Variants in ZCCHC14 observed in about 807,000 individuals in gnomAD.
The protein encoded by ZCCHC14 is zinc finger CCHC domain-containing protein 14.
In ZCCHC14, 16 loss-of-function variants were observed where a neutral mutation model predicts 85.0. The ratio of observed to expected loss-of-function variants is 0.19; its 90% confidence interval spans 0.13 to 0.29. The LOEUF is 0.29. Ranked by LOEUF, ZCCHC14 falls within the 10% of genes least tolerant of loss-of-function variation. The pLI, the probability that ZCCHC14 is intolerant of heterozygous loss-of-function variation, is 1.00. For missense variants in ZCCHC14, 1,303 were observed against 1,443.5 expected (o/e 0.90, Z 1.58); for synonymous variants, 775 against 630.7 (o/e 1.23, Z -3.43).
At position 87,407,377 on chromosome 16, in the gene ZCCHC14, A is replaced by C. The variant is rs1253879145; in HGVS notation, c.*2903T>G. ...AAGAAAATATTTTGTCTTTATTTTT[A>C]TTACAAGTGCGCTAGCTCCCATTTC... On this transcript the variant is annotated 3_prime_UTR_variant, in exon 13 of 13. Coordinates refer to ENST00000671377, the MANE Select transcript of ZCCHC14 (RefSeq NM_015144.3). 1 of 152,256 alleles carries C rather than the reference A, an allele frequency of 6.6e-6. No individual in the cohort carries two copies. The highest frequency in any genetic ancestry group is 1.5e-5 in the Non-Finnish European group (1 of 68,038). The allele number at this position is 152,256 out of a possible 1,614,324, so 9.4% of individuals were successfully genotyped here. A position where few individuals can be genotyped will look rare whatever the true frequency, so the allele number is the denominator to read the frequency against.
chr16:87,454,065 A>T (rs1251699225), intron 2 of ZCCHC14, among the ~76,000 whole-genome samples: 3 of 152,222 alleles, frequency 2.0e-5, no homozygotes, highest in South Asian at 4.1e-4. Context: ...AAATGACAGA[A>T]GGGTACAAGA....
chr16:87,462,077 G>A (rs1169500840), intron 1 of ZCCHC14, among the ~76,000 whole-genome samples: 1 of 150,600 alleles, frequency 6.6e-6, no homozygotes, highest in African/African-American at 2.4e-5. Flanking sequence ...TTACTGGCCT[G>A]GGTAACAGCG....
At chr16:87,419,965 G>T in intron 5 of ZCCHC14, 88 bp from the exon 6 acceptor site, 1 of 1,147,190 alleles carries the variant, frequency 8.7e-7, no homozygotes, top group Non-Finnish European at 1.2e-6. Flanking sequence ...TTAATCAAGA[G>T]AAATGTGTAT....
chr16:87,456,478 A>T lies in ZCCHC14; in HGVS notation c.694+3530T>A, dbSNP rs1045256883. Among the ~76,000 whole-genome samples, 22 of 128,380 alleles carry T rather than the reference A, an allele frequency of 1.7e-4. 1 individual carries two copies. In the South Asian group the frequency reaches 1.9e-3, roughly 11 times the overall value. The allele number at this position is 128,380 out of a possible 152,430, so 84.2% of individuals were successfully genotyped here. A position where few individuals can be genotyped will look rare whatever the true frequency, so the allele number is the denominator to read the frequency against. ...AACCCGGGAGGCGGAGGTTGCAGTG[A>T]GCTGTGATTGCGCCACTGCACTCCA... On this transcript the variant is annotated intron_variant, in intron 2 of 12. Transcript: ENST00000671377.
At chr16:87,433,852 C>G (rs1005823652) in intron 2 of ZCCHC14, among the ~76,000 whole-genome samples, 3 of 151,916 alleles carry the variant, frequency 2.0e-5, no homozygotes, top group Non-Finnish European at 4.4e-5. Context: ...CCATGTTGGC[C>G]AAGTTGGTCT....
At chr16:87,433,278 A>T in intron 2 of ZCCHC14, 77 bp from the exon 3 acceptor site, 15 of 1,418,522 alleles carry the variant, frequency 1.1e-5, no homozygotes, top group Non-Finnish European at 1.5e-5. Flanking sequence ...TTTGATATTC[A>T]GCAGTTTTCA....
In ZCCHC14 at chr16:87,492,264, C is replaced by A. The variant is rs1449710803; in HGVS notation, c.-26G>T. On this transcript the variant is annotated 5_prime_UTR_variant, in exon 1 of 13. Coordinates refer to ENST00000671377, the MANE Select transcript of ZCCHC14 (RefSeq NM_015144.3). This position sits in a 1 kb window ranked among gnomAD's most constrained non-coding sequence, Gnocchi z 6.7. ...GCTGCCGCCCGCGCCGCGCCGCGAC[C>A]CGGGGCCGGGGACCGCGCGGGGGCG... 1.0e-6 allele frequency: 1 copy of A among 979,612 alleles called. No individual in the cohort carries two copies. The highest frequency in any genetic ancestry group is 1.8e-5 in the African/African-American group (1 of 56,516). The allele number at this position is 979,612 out of a possible 1,614,324, so 60.7% of individuals were successfully genotyped here.
intron 4 of ZCCHC14, among the ~76,000 whole-genome samples, chr16:87,422,587 A>C (rs1405006681): frequency 6.6e-6 from 1 of 150,938 alleles, no homozygotes; most frequent in Non-Finnish European, 1.5e-5. Context: ...AAAAAGAGAG[A>C]GAGCTGGGCG....
chr16:87,424,548 C>G (rs1182245303), intron 3 of ZCCHC14, among the ~76,000 whole-genome samples: 1 of 152,158 alleles, frequency 6.6e-6, no homozygotes, highest in Non-Finnish European at 1.5e-5. Context: ...GGCGGTGTCA[C>G]TGCATGGCTC....
rs117589579 is a variant in ZCCHC14, at chr16:87,418,512, C to T, written c.1100+335G>A. ...CATACGACTGCAGCTACCCAGGGCCCGTGCGGACAGAGGACGCTCCTCAGG... is the reference window on the plus strand; with the variant it reads ...CATACGACTGCAGCTACCCAGGGCCTGTGCGGACAGAGGACGCTCCTCAGG... On this transcript the variant is annotated intron_variant, in intron 7 of 12. Coordinates refer to ENST00000671377, the MANE Select transcript of ZCCHC14 (RefSeq NM_015144.3). 1.5e-3 allele frequency among the ~76,000 whole-genome samples: 228 copies of T among 152,318 alleles called. 6 individuals carry two copies. In the East Asian group the frequency reaches 0.038, roughly 26 times the overall value.
chr16:87,459,948 C>G (rs1458566844), intron 2 of ZCCHC14, 60 bp downstream of exon 2: 8 of 1,611,298 alleles, frequency 5.0e-6, no homozygotes, highest in Admixed American at 3.3e-5. Context: ...TCACGGGGAT[C>G]TGGGGTGTGC....
intron 3 of ZCCHC14, among the ~76,000 whole-genome samples, 186 bp from the exon 4 acceptor site, chr16:87,424,067 GCCCTCTAAAGT>G (rs1475865754): frequency 1.3e-5 from 2 of 152,174 alleles, no homozygotes; most frequent in African/African-American, 4.8e-5. Flanking sequence ...ATAGCTCCAG[GCCCTCTAAAGT>G]CTAACTTGTT....
chr16:87,413,349 G>A (rs181028486), intron 10 of ZCCHC14, among the ~76,000 whole-genome samples, 154 bp from the exon 11 acceptor site: 9 of 152,350 alleles, frequency 5.9e-5, no homozygotes, highest in South Asian at 4.1e-4. Flanking sequence ...CAGGCCGCAC[G>A]GTGACGGATG....
Position 87,431,739 on chromosome 16 carries a change from G to A in ZCCHC14, c.768+1389C>T, listed in dbSNP as rs368514683. Among the ~76,000 whole-genome samples, 71 of 152,290 alleles carry A rather than the reference G, an allele frequency of 4.7e-4. 1 individual carries two copies. The highest frequency in any genetic ancestry group is 1.6e-3 in the African/African-American group (67 of 41,566). On this transcript the variant is annotated intron_variant, in intron 3 of 12. Coordinates refer to ENST00000671377, the MANE Select transcript of ZCCHC14 (RefSeq NM_015144.3). ...GAAGAGGCCTGACACCGCAATGCAA[G>A]GAATGAAGGAAGGTGTCACACGCGA...
chr16:87,454,358 A>C (rs562626853), intron 2 of ZCCHC14, among the ~76,000 whole-genome samples: 1 of 152,334 alleles, frequency 6.6e-6, no homozygotes, highest in East Asian at 1.9e-4. Context: ...ATCACAGACA[A>C]ACCATTCCAA....
intron 1 of ZCCHC14, among the ~76,000 whole-genome samples, chr16:87,483,085 G>A (rs1912360271): frequency 6.6e-6 from 1 of 151,722 alleles, no homozygotes; most frequent in South Asian, 2.1e-4. Flanking sequence ...AAAGTCAGAA[G>A]ACAAGATTAA....
At chr16:87,424,898 G>A (rs1351741511) in intron 3 of ZCCHC14, among the ~76,000 whole-genome samples, 1 of 152,042 alleles carries the variant, frequency 6.6e-6, no homozygotes, top group African/African-American at 2.4e-5. Flanking sequence ...ATTTCAAGTC[G>A]GCAAATAAAA....
rs1297821786 is a variant in ZCCHC14, at chr16:87,419,832, G to C, written c.996C>G (p.Val332=). 2 of 1,612,898 alleles carry C rather than the reference G, an allele frequency of 1.2e-6. No homozygotes were observed. Among genetic ancestry groups the C allele is most frequent in the Non-Finnish European group, 8.5e-7 (1 of 1,179,538 alleles). ...GAGAGGAAGTGCTGAGAAACCTCCT[G>C]ACATGGTCATTTTTCAACACGTGAG... is the stretch of plus-strand genomic sequence containing the variant. The part of the protein sequence containing the change: ...LPSHVLKNDH[V]RRFLSTSSPP... The change falls in exon 6 of 13, where the codon GTC becomes GTG. Residue 332 remains valine (V), a synonymous_variant. Coordinates refer to ENST00000671377, the MANE Select transcript of ZCCHC14 (RefSeq NM_015144.3).
At chr16:87,488,815 C>T (rs1190713957) in intron 1 of ZCCHC14, among the ~76,000 whole-genome samples, 1 of 152,176 alleles carries the variant, frequency 6.6e-6, no homozygotes, top group Admixed American at 6.5e-5. Context: ...TGGGCTCAAG[C>T]GATCTGCCCA....
Sources: gnomAD v4.1 joint callset for allele counts (sites outside exome capture counted in the v4.1 genomes callset) on GRCh38, gnomAD v4.1.1 for gene constraint, Gnocchi (gnomAD v3.1) non-coding constraint, MANE v1.5 for transcripts, NCBI Gene and HGNC (gene_info 2026-07-23, HGNC 2026-07-21) for gene names.